The following EVC variants were observed in gnomAD, a reference collection of about 807,000 sequenced individuals.
The protein encoded by EVC is evC complex member EVC.
In EVC, 116 loss-of-function variants were observed where a neutral mutation model predicts 118.9. The observed-to-expected ratio is 0.98, with a 90% CI of 0.84 to 1.14. The LOEUF (loss-of-function observed/expected upper bound fraction) is 1.14, where lower values mean the gene tolerates loss of function less well. Ranked by LOEUF, EVC falls within the 50% of genes most tolerant of loss-of-function variation. The probability of loss-of-function intolerance (pLI) is 0.00; values close to 1 mark genes in which losing one functional copy is unlikely to be tolerated. For missense variants in EVC, 1,401 were observed against 1,246.4 expected, an observed-to-expected ratio of 1.12 and a Z score of -1.87; for synonymous variants, 619 against 534.7, an observed-to-expected ratio of 1.16 and a Z score of -2.18.
intron 11 of EVC, among the ~76,000 whole-genome samples, chr4:5,760,857 C>A (rs1731900408): frequency 6.6e-6 from 1 of 152,174 alleles, no homozygotes; most frequent in South Asian, 2.1e-4. Context: ...CGGCCTGGCC[C>A]AAGGCCTGTG....
intron 1 of EVC, among the ~76,000 whole-genome samples, chr4:5,716,317 A>C (rs1393512291): frequency 6.6e-6 from 1 of 152,248 alleles, no homozygotes; most frequent in Non-Finnish European, 1.5e-5. Context: ...TTTGGCCTAA[A>C]AGGGCCAGAC....
rs1728654874 is a variant in EVC, at chr4:5,741,938, C to T, written c.801+124C>T. 1.3e-5 allele frequency: 7 copies of T among 546,482 alleles called. No homozygotes were observed. In the East Asian group the frequency reaches 1.6e-4, roughly 12 times the overall value. 33.9% of individuals were successfully genotyped at this position (546,482 alleles called of 1,614,324 possible). On this transcript the variant is annotated intron_variant, in intron 6 of 20. Transcript: ENST00000264956. ...GCTTATTACAATATATACTTTTCAA[C>T]ACAGTATAGTGAAATATAAAAGTAT...
intron 2 of EVC, among the ~76,000 whole-genome samples, chr4:5,725,334 C>A (rs1247154276): frequency 2.6e-5 from 4 of 152,204 alleles, no homozygotes; most frequent in Admixed American, 2.6e-4. Context: ...ATTTACATTC[C>A]CACCAACAGT....
At chr4:5,727,418 T>G (rs1351408236) in intron 2 of EVC, among the ~76,000 whole-genome samples, 1 of 152,098 alleles carries the variant, frequency 6.6e-6, no homozygotes, top group African/African-American at 2.4e-5. Flanking sequence ...TTGATGGGGT[T>G]GTTTGTTTTT....
intron 15 of EVC, among the ~76,000 whole-genome samples, chr4:5,801,296 C>G (rs1280161348): frequency 1.3e-5 from 2 of 152,204 alleles, no homozygotes; most frequent in Non-Finnish European, 2.9e-5. Context: ...AAAATGGCCA[C>G]TGTCACTCCA....
intron 11 of EVC, among the ~76,000 whole-genome samples, chr4:5,769,850 C>G (rs1733673747): frequency 6.6e-6 from 1 of 152,162 alleles, no homozygotes; most frequent in South Asian, 2.1e-4. Context: ...GGCATGATAA[C>G]AGGTGCTTAT....
chr4:5,779,987 A>G (rs971067458), intron 11 of EVC, among the ~76,000 whole-genome samples: 1 of 151,924 alleles, frequency 6.6e-6, no homozygotes, highest in African/African-American at 2.4e-5. Context: ...TTTGTCATAG[A>G]TAGCTCTTAT....
At chr4:5,715,893 G>A (rs1008783099) in intron 1 of EVC, among the ~76,000 whole-genome samples, 6 of 152,070 alleles carry the variant, frequency 3.9e-5, no homozygotes, top group South Asian at 4.1e-4. Flanking sequence ...ACAGGCATGC[G>A]CCACCATGCC....
At chr4:5,761,380 G>A (rs560740088) in intron 11 of EVC, among the ~76,000 whole-genome samples, 1 of 152,004 alleles carries the variant, frequency 6.6e-6, no homozygotes, top group Non-Finnish European at 1.5e-5. Context: ...AATCAATCGA[G>A]GTTTATTGAG....
chr4:5,756,926 C>T lies in EVC; in HGVS notation c.1563+564C>T, dbSNP rs567281017. ...CAGACAGAGCCCCTGCCTCAGGCAG[C>T]ATCCTCAGTTGTTGGAAAGACAGGA... On this transcript the variant is annotated intron_variant, in intron 11 of 20. Coordinates refer to ENST00000264956, the MANE Select transcript of EVC (RefSeq NM_153717.3). This position sits in a 1 kb window ranked among gnomAD's most constrained non-coding sequence, Gnocchi z 4.2. Among the ~76,000 whole-genome samples the T allele has an allele frequency of 6.6e-6, 1 of 152,296 alleles. No individual in the cohort carries two copies. Among genetic ancestry groups the T allele is most frequent in the East Asian group, 1.9e-4 (1 of 5,168 alleles).
intron 11 of EVC, among the ~76,000 whole-genome samples, chr4:5,768,909 G>A (rs1300702550): frequency 6.6e-6 from 1 of 152,038 alleles, no homozygotes; most frequent in Non-Finnish European, 1.5e-5. Flanking sequence ...AGAAAGGTGT[G>A]CACAGAACAG....
intron 2 of EVC, among the ~76,000 whole-genome samples, chr4:5,728,197 A>G (rs1370992721): frequency 6.6e-6 from 1 of 152,180 alleles, no homozygotes; most frequent in Non-Finnish European, 1.5e-5. Flanking sequence ...GATTCTTGCT[A>G]CCCATGAGCA....
chr4:5,727,207 A>G (rs979826899), intron 2 of EVC, among the ~76,000 whole-genome samples: 16 of 152,044 alleles, frequency 1.1e-4, no homozygotes, highest in African/African-American at 3.6e-4. Context: ...AAGTGTTCCT[A>G]TTTCTCCACA....
At chr4:5,752,491 G>A (rs547039554) in intron 8 of EVC, among the ~76,000 whole-genome samples, 4 of 152,116 alleles carry the variant, frequency 2.6e-5, no homozygotes, top group Admixed American at 1.3e-4. Flanking sequence ...CAGATTGGCC[G>A]GGGGAGATGA....
intron 2 of EVC, 87 bp from the exon 3 acceptor site, chr4:5,729,220 A>C (rs1726384326): frequency 1.6e-6 from 2 of 1,219,926 alleles, no homozygotes; most frequent in Non-Finnish European, 1.2e-6. Flanking sequence ...GCTATTACAA[A>C]TGGGATGTGG....
At chr4:5,790,505 C>G (rs1464428628) in intron 12 of EVC, among the ~76,000 whole-genome samples, 1 of 152,162 alleles carries the variant, frequency 6.6e-6, no homozygotes, top group African/African-American at 2.4e-5. Flanking sequence ...GACTGACTCT[C>G]ACCTTAAGGA....
rs1350756997 is a variant in EVC at position 5,746,953 on chromosome 4, G to A, written c.940-1195G>A. Among the ~76,000 whole-genome samples the A allele has an allele frequency of 1.3e-5, 2 of 152,164 alleles. No homozygotes were observed. The highest frequency in any genetic ancestry group is 2.4e-5 in the African/African-American group (1 of 41,432). On this transcript the variant is annotated intron_variant, in intron 7 of 20. Coordinates refer to ENST00000264956, the MANE Select transcript of EVC (RefSeq NM_153717.3). The surrounding 1 kb of genome is among the most constrained non-coding windows in gnomAD (Gnocchi z 5.8). ...GTTTGTAAGCAGAGCGGGCTGTGTAGAGTTGGCAGGTGACAGTCTGCAGTC... is the reference window on the plus strand; with the variant it reads ...GTTTGTAAGCAGAGCGGGCTGTGTAAAGTTGGCAGGTGACAGTCTGCAGTC...
intron 9 of EVC, 48 bp from the exon 10 acceptor site, chr4:5,753,737 T>C: frequency 1.2e-6 from 2 of 1,613,626 alleles, no homozygotes. Context: ...CCACTGAAAT[T>C]CTGGCTCACA....
At chr4:5,739,313 C>A (rs1728168235) in intron 5 of EVC, among the ~76,000 whole-genome samples, 1 of 152,162 alleles carries the variant, frequency 6.6e-6, no homozygotes. Flanking sequence ...AGCCAGGACA[C>A]CACTTTCTCC....
Sources: gnomAD v4.1 joint callset for allele counts (sites outside exome capture counted in the v4.1 genomes callset) on GRCh38, gnomAD v4.1.1 for gene constraint, Gnocchi (gnomAD v3.1) non-coding constraint, MANE v1.5 for transcripts, NCBI Gene and HGNC (gene_info 2026-07-23, HGNC 2026-07-21) for gene names.